TTC9: variants seen among roughly 807,000 people sequenced by gnomAD.
TTC9 encodes the protein tetratricopeptide repeat protein 9A.
A neutral mutation model predicts 22.9 loss-of-function variants in TTC9; 13 were observed. That is an observed-to-expected ratio of 0.57 (90% CI 0.37 to 0.90). The LOEUF (loss-of-function observed/expected upper bound fraction) is 0.90. Ranked by LOEUF, TTC9 falls within the 40% of genes least tolerant of loss-of-function variation. TTC9 has a pLI of 0.01. For missense variants in TTC9, 280 were observed against 291.8 expected (o/e 0.96, Z 0.29); for synonymous variants, 148 against 133.2 (o/e 1.11, Z -0.77).
rs1251727873 is a variant in TTC9, at chr14:70,647,540, A to C, written c.406+5005A>C. ...ATGTTTGAAGCCATTTCTAGTTTGA[A>C]TGGAAAGAATGGCCCTTTGGGACTG... On this transcript the variant is annotated intron_variant, in intron 1 of 2. Coordinates refer to ENST00000256367, the MANE Select transcript of TTC9 (RefSeq NM_015351.2). Among the ~76,000 whole-genome samples, 3 of 152,178 alleles carry C rather than the reference A, an allele frequency of 2.0e-5. No homozygotes were observed. In the East Asian group the frequency reaches 5.8e-4, roughly 29 times the overall value.
At chr14:70,651,516 AG>A (rs1467371884) in intron 1 of TTC9, among the ~76,000 whole-genome samples, 4 of 152,136 alleles carry the variant, frequency 2.6e-5, no homozygotes, top group Non-Finnish European at 4.4e-5. Flanking sequence ...CAAAAAAAAA[AG>A]TTTGAATGCC....
rs921758686 is a variant in TTC9, at chr14:70,675,316, T to G, written c.*4161T>G. ...GCTTTCCAAGTGCTTTGCTTTCAAA[T>G]TTTGTTTATGGTGCTTTTTGACATA... On this transcript the variant is annotated 3_prime_UTR_variant, in exon 3 of 3. Coordinates refer to ENST00000256367, the MANE Select transcript of TTC9 (RefSeq NM_015351.2). The G allele has an allele frequency of 6.6e-6, 1 of 152,232 alleles. No individual in the cohort carries two copies. The highest frequency in any genetic ancestry group is 2.4e-5 in the African/African-American group (1 of 41,462). 9.4% of individuals were successfully genotyped at this position (152,232 alleles called of 1,614,324 possible). A position where few individuals can be genotyped will look rare whatever the true frequency, so the allele number is the denominator to read the frequency against.
At chr14:70,650,451 G>A (rs1309807222) in intron 1 of TTC9, among the ~76,000 whole-genome samples, 1 of 152,044 alleles carries the variant, frequency 6.6e-6, no homozygotes, top group South Asian at 2.1e-4. Context: ...ACTTGATGAG[G>A]AAAATAAAAG....
At chr14:70,670,285 T>A (rs772355720) in intron 2 of TTC9, among the ~76,000 whole-genome samples, 1 of 152,172 alleles carries the variant, frequency 6.6e-6, no homozygotes, top group Non-Finnish European at 1.5e-5. Context: ...GAAGGATACA[T>A]ACCTTGCGGG....
chr14:70,667,686 C>T lies in TTC9; in HGVS notation c.529C>T (p.Leu177Phe). The T allele has an allele frequency of 1.2e-5, 19 of 1,613,714 alleles. No individual in the cohort carries two copies. Among genetic ancestry groups the T allele is most frequent in the Non-Finnish European group, 1.5e-5 (18 of 1,179,762 alleles). ...CCGGTCTGGTGTGGCCTTCTACCAC[C>T]TTGGGGACTATGACAAAGCACTCTA... ...LYRSGVAFYH[L>F]GDYDKALYYL... is the part of the protein sequence containing the mutation. Residue 177 changes from leucine to phenylalanine, a missense_variant, in exon 2 of 3, where the codon CTT (leucine) becomes TTT (phenylalanine). Around this residue, in one of 5 missense-constraint regions of TTC9, gnomAD observed 39 missense variants for 67.4 expected, o/e 0.58. Coordinates refer to ENST00000256367, the MANE Select transcript of TTC9 (RefSeq NM_015351.2).
rs528075045 is a variant in TTC9 at position 70,654,832 on chromosome 14, C to CA, written c.406+12304dup. Among the ~76,000 whole-genome samples the CA allele has an allele frequency of 4.2e-3, 634 of 151,958 alleles. 5 individuals are homozygous for CA. Among genetic ancestry groups the CA allele is most frequent in the Non-Finnish European group, 6.6e-3 (447 of 67,948 alleles). ...AAACAGAAAAAGGAAAGCCACCGTA[C>CA]AAAAAAATGGAAGCGAGGTACAGAA... On this transcript the variant is annotated intron_variant, in intron 1 of 2. Coordinates refer to ENST00000256367, the MANE Select transcript of TTC9 (RefSeq NM_015351.2).
chr14:70,662,537 T>C (rs1953797), intron 1 of TTC9, among the ~76,000 whole-genome samples: 35,059 of 152,026 alleles, frequency 0.23, 4,284 homozygotes, highest in Admixed American at 0.3. Flanking sequence ...CCTTGATTAA[T>C]AGGGAGAAAG....
intron 1 of TTC9, among the ~76,000 whole-genome samples, chr14:70,664,122 T>G (rs78610371): frequency 0.062 from 9,432 of 151,952 alleles, 324 homozygotes; most frequent in East Asian, 0.13. Flanking sequence ...GAGAAGGGAT[T>G]AATAACCATG....
intron 1 of TTC9, among the ~76,000 whole-genome samples, chr14:70,653,431 C>T (rs1192149514): frequency 6.6e-6 from 1 of 152,202 alleles, no homozygotes; most frequent in East Asian, 1.9e-4. Context: ...CATTGTCTAC[C>T]ACCATGCCTG....
At chr14:70,656,216 C>T (rs868803492) in intron 1 of TTC9, among the ~76,000 whole-genome samples, 18,397 of 127,774 alleles carry the variant, frequency 0.14, 1,238 homozygotes, top group Non-Finnish European at 0.19. Context: ...CTGATACACA[C>T]ACACACACAC....
intron 1 of TTC9, among the ~76,000 whole-genome samples, chr14:70,647,038 A>G (rs762823995): frequency 6.6e-6 from 1 of 152,214 alleles, no homozygotes; most frequent in Non-Finnish European, 1.5e-5. Context: ...TTGACTTGAC[A>G]TGGTGTTTTG....
chr14:70,642,408 C>T lies in TTC9; in HGVS notation c.279C>T (p.Pro93=), dbSNP rs374263347. 530 of 1,597,854 alleles carry T rather than the reference C, an allele frequency of 3.3e-4. No individual in the cohort carries two copies. The highest frequency in any genetic ancestry group is 3.2e-3 in the Middle Eastern group (19 of 6,012). ...ALLELKGLLP[P]PGERERDSRP... Reference sequence around the variant, plus strand: ...TGGAGCTGAAGGGGCTGCTGCCGCCCCCCGGGGAACGGGAGCGGGACTCGC... The same window carrying T: ...TGGAGCTGAAGGGGCTGCTGCCGCCTCCCGGGGAACGGGAGCGGGACTCGC... Residue 93 remains proline (P), a synonymous_variant, in exon 1 of 3, where the codon CCC becomes CCT. Coordinates refer to ENST00000256367, the MANE Select transcript of TTC9 (RefSeq NM_015351.2).
In TTC9 at chr14:70,672,534, T is replaced by C. The variant is rs192185134; in HGVS notation, c.*1379T>C. On this transcript the variant is annotated 3_prime_UTR_variant, in exon 3 of 3. Transcript: ENST00000256367. ...TCAAGGAAATGGAAGGGTTAAGAAA[T>C]GCATATGAGATTATTACCAATGACA... is the stretch of plus-strand genomic sequence containing the variant. 1 of 152,330 alleles carries C rather than the reference T, an allele frequency of 6.6e-6. No individual in the cohort carries two copies. Among genetic ancestry groups the C allele is most frequent in the East Asian group, 1.9e-4 (1 of 5,188 alleles). 9.4% of individuals were successfully genotyped at this position (152,330 alleles called of 1,614,324 possible).
chr14:70,644,983 G>A (rs562713654), intron 1 of TTC9, among the ~76,000 whole-genome samples: 5 of 152,108 alleles, frequency 3.3e-5, no homozygotes, highest in Non-Finnish European at 7.3e-5. Flanking sequence ...GTGGTGGCGG[G>A]CACCTGTAGT....
At chr14:70,647,173 TG>T (rs1885914247) in intron 1 of TTC9, among the ~76,000 whole-genome samples, 1 of 152,222 alleles carries the variant, frequency 6.6e-6, no homozygotes, top group Non-Finnish European at 1.5e-5. Context: ...TTTACTTATA[TG>T]AGGAATTATA....
chr14:70,645,695 C>T (rs1196099399), intron 1 of TTC9, among the ~76,000 whole-genome samples: 1 of 152,190 alleles, frequency 6.6e-6, no homozygotes, highest in Non-Finnish European at 1.5e-5. Flanking sequence ...GAGGTTTATT[C>T]TGGAAGAAAG....
At chr14:70,651,597 C>A (rs1240304822) in intron 1 of TTC9, among the ~76,000 whole-genome samples, 3 of 152,190 alleles carry the variant, frequency 2.0e-5, no homozygotes, top group Non-Finnish European at 2.9e-5. Context: ...TCCCAGTCCA[C>A]ACAAAGGGCT....
At chr14:70,662,097 A>G (rs1886151794) in intron 1 of TTC9, among the ~76,000 whole-genome samples, 1 of 152,162 alleles carries the variant, frequency 6.6e-6, no homozygotes. Flanking sequence ...CAGAAGACCC[A>G]AAGGCCAGAA....
Position 70,673,958 on chromosome 14 carries a change from G to A in TTC9, c.*2803G>A, listed in dbSNP as rs1326321208. 1 of 152,122 alleles carries A rather than the reference G, an allele frequency of 6.6e-6. No individual in the cohort carries two copies. Among genetic ancestry groups the A allele is most frequent in the African/African-American group, 2.4e-5 (1 of 41,416 alleles). The allele number at this position is 152,122 out of a possible 1,614,324, so 9.4% of individuals were successfully genotyped here. On this transcript the variant is annotated 3_prime_UTR_variant, in exon 3 of 3. Coordinates refer to ENST00000256367, the MANE Select transcript of TTC9 (RefSeq NM_015351.2). ...CAGGCTTACTGGAACTCCATTCACTGTGACCTGAAGTTAAATAATCCCAAA... is the reference window on the plus strand; with the variant it reads ...CAGGCTTACTGGAACTCCATTCACTATGACCTGAAGTTAAATAATCCCAAA...
Sources: gnomAD v4.1 joint callset for allele counts (sites outside exome capture counted in the v4.1 genomes callset) on GRCh38, gnomAD v4.1.1 for gene constraint, gnomAD v4.1.1 regional missense constraint, MANE v1.5 for transcripts, NCBI Gene and HGNC (gene_info 2026-07-23, HGNC 2026-07-21) for gene names.